PDGFRA: variants seen among roughly 807,000 people sequenced by gnomAD.
PDGFRA encodes the protein platelet-derived growth factor receptor alpha.
Under a neutral mutation model 121.5 loss-of-function variants are expected in PDGFRA, and 25 were observed. That is an observed-to-expected ratio of 0.21 (90% CI 0.15 to 0.29). The LOEUF (loss-of-function observed/expected upper bound fraction) is 0.29. Ranked by LOEUF, PDGFRA falls within the 10% of genes least tolerant of loss-of-function variation. PDGFRA has a pLI of 1.00. For missense variants in PDGFRA, 1,008 were observed against 1,345.1 expected (o/e 0.75, Z 3.92); for synonymous variants, 463 against 494.8 (o/e 0.94, Z 0.85).
intron 16 of PDGFRA, 44 bp downstream of exon 16, chr4:54,280,526 G>A (rs766937997): frequency 2.0e-6 from 3 of 1,474,872 alleles, no homozygotes; most frequent in Admixed American, 1.7e-5. Context: ...ACTTTCCAGT[G>A]GTTTAATATG....
intron 1 of PDGFRA, among the ~76,000 whole-genome samples, chr4:54,249,106 T>G (rs555496597): frequency 3.4e-4 from 52 of 152,228 alleles, no homozygotes; most frequent in African/African-American, 1.2e-3. Context: ...TAGGAACACT[T>G]TTACACTGTT....
At chr4:54,253,911 C>T (rs969083131) in intron 1 of PDGFRA, among the ~76,000 whole-genome samples, 6 of 152,278 alleles carry the variant, frequency 3.9e-5, no homozygotes, top group Admixed American at 6.5e-5. Context: ...TCTTGAACTC[C>T]TGACCTCAAG....
At chr4:54,278,691 A>G in intron 15 of PDGFRA, 176 bp downstream of exon 15, 1 of 682,158 alleles carries the variant, frequency 1.5e-6, no homozygotes, top group Non-Finnish European at 2.6e-6. Flanking sequence ...CATGATGTCT[A>G]AAGGTGTTTT....
intron 7 of PDGFRA, among the ~76,000 whole-genome samples, chr4:54,269,831 A>G (rs868228746): frequency 1.4e-5 from 2 of 146,826 alleles, no homozygotes; most frequent in Middle Eastern, 3.5e-3. Flanking sequence ...TTGTATTTTT[A>G]GTAGAGATGG....
At chr4:54,246,815 G>A (rs957126502) in intron 1 of PDGFRA, among the ~76,000 whole-genome samples, 13 of 151,248 alleles carry the variant, frequency 8.6e-5, no homozygotes, top group African/African-American at 3.2e-4. Flanking sequence ...TTGATAGACT[G>A]CTAGCAAGAC....
Position 54,278,463 on chromosome 4 carries a change from A to G in PDGFRA, c.2104A>G (p.Lys702Glu), listed in dbSNP as rs1262195275. 1 of 1,614,006 alleles carries G rather than the reference A, an allele frequency of 6.2e-7. No homozygotes were observed. Among genetic ancestry groups the G allele is most frequent in the East Asian group, 2.2e-5 (1 of 44,886 alleles). ...CCTGAGCCACCACCCAGAGAAGCCA[A>G]AGAAAGAGCTGGATATCTTTGGATT... is the stretch of plus-strand genomic sequence containing the variant. The part of the protein sequence containing the change: ...SFLSHHPEKP[K>E]KELDIFGLNP... The change falls in exon 15 of 23, where the codon AAG becomes GAG. Residue 702 changes from lysine (K) to glutamate (E), a missense_variant. By Grantham distance (56) the Lys-to-Glu change is moderately conservative (BLOSUM62 1). Around this residue, in one of 5 missense-constraint regions of PDGFRA, gnomAD observed 128 missense variants for 147.6 expected, o/e 0.87. Transcript: ENST00000257290.
rs561842533 is a variant in PDGFRA, at chr4:54,272,390, G to A, written c.1238-4G>A. On this transcript the variant is annotated splice_region_variant and splice_polypyrimidine_tract_variant and intron_variant, in intron 8 of 22. Coordinates refer to ENST00000257290, the MANE Select transcript of PDGFRA (RefSeq NM_006206.6). ...CCATTCTGACTTCTTTCTGCCTCTT[G>A]CAGTTCCTTCATCCATTCTGGACTT... 6.2e-7 allele frequency: 1 copy of A among 1,613,916 alleles called. No homozygotes were observed. The highest frequency in any genetic ancestry group is 2.2e-5 in the East Asian group (1 of 44,828).
rs1410470703 is a variant in PDGFRA, at chr4:54,297,664, G to A, written c.*2392G>A. 8.6e-6 allele frequency: 2 copies of A among 233,694 alleles called. No individual in the cohort carries two copies. Among genetic ancestry groups the A allele is most frequent in the Non-Finnish European group, 1.7e-5 (2 of 118,054 alleles). 14.5% of individuals were successfully genotyped at this position (233,694 alleles called of 1,614,324 possible). On this transcript the variant is annotated 3_prime_UTR_variant, in exon 23 of 23. Coordinates refer to ENST00000257290, the MANE Select transcript of PDGFRA (RefSeq NM_006206.6). ...TGTATATGACTGCATTTGTGTGTGT[G>A]TGTGTGTTTTCAGCAAATTCCAGAT... is the stretch of plus-strand genomic sequence containing the variant.
In PDGFRA at chr4:54,280,343, T is replaced by C; in HGVS notation, c.2184T>C (p.Asn728=). The C allele has an allele frequency of 6.2e-7, 1 of 1,613,834 alleles. No homozygotes were observed. The highest frequency in any genetic ancestry group is 8.5e-7 in the Non-Finnish European group (1 of 1,179,728). The change falls in exon 16 of 23, where the codon AAT becomes AAC. Residue 728 remains asparagine (N), a synonymous_variant. Transcript: ENST00000257290. The stretch of plus-strand genomic sequence containing the variant: ...ATGTTATTTTATCTTTTGAAAACAA[T>C]GGTGACTACATGGACATGAAGCAGG... The part of the protein sequence containing the change: ...RSYVILSFEN[N]GDYMDMKQAD...
rs1723533662 is a variant in PDGFRA at position 54,273,618 on chromosome 4, T to A, written c.1446T>A (p.Ser482Arg). The change falls in exon 10 of 23, where the codon AGT becomes AGA. Residue 482 changes from serine (S) to arginine (R), a missense_variant. By Grantham distance (110) the Ser-to-Arg change is moderately radical (BLOSUM62 -1). Around this residue, in one of 5 missense-constraint regions of PDGFRA, gnomAD observed 575 missense variants for 701.8 expected, o/e 0.82. Transcript: ENST00000257290. Reference sequence around the variant, plus strand: ...CGGAGATCCACTCCCGAGACAGGAGTACCGTGGAGGGCCGTGTGACTTTCG... The same window carrying A: ...CGGAGATCCACTCCCGAGACAGGAGAACCGTGGAGGGCCGTGTGACTTTCG... ...IITEIHSRDR[S>R]TVEGRVTFAK... is the part of the protein sequence containing the mutation. 6.2e-7 allele frequency: 1 copy of A among 1,612,980 alleles called. No homozygotes were observed. Among genetic ancestry groups the A allele is most frequent in the Non-Finnish European group, 8.5e-7 (1 of 1,179,786 alleles).
rs1184483799 is a variant in PDGFRA, at chr4:54,267,545, T to C, written c.932-7T>C. 1 of 1,614,054 alleles carries C rather than the reference T, an allele frequency of 6.2e-7. No individual in the cohort carries two copies. ...TCATTATTTAATGGAAACTCTTCCC[T>C]GTACAGAGAAAGGTTTCATTGAAAT... is the stretch of plus-strand genomic sequence containing the variant. On this transcript the variant is annotated splice_polypyrimidine_tract_variant and splice_region_variant and intron_variant, in intron 6 of 22. Coordinates refer to ENST00000257290, the MANE Select transcript of PDGFRA (RefSeq NM_006206.6).
chr4:54,296,482 T>C lies in PDGFRA; in HGVS notation c.*1210T>C. ...AAGGATGCCCAGACATCAGCCTCCT[T>C]CTTTCACCCCTTACCCCAAAGAGAA... On this transcript the variant is annotated 3_prime_UTR_variant, in exon 23 of 23. Coordinates refer to ENST00000257290, the MANE Select transcript of PDGFRA (RefSeq NM_006206.6). 1 of 231,118 alleles carries C rather than the reference T, an allele frequency of 4.3e-6. No individual in the cohort carries two copies. Among genetic ancestry groups the C allele is most frequent in the Non-Finnish European group, 8.6e-6 (1 of 116,904 alleles). 14.3% of individuals were successfully genotyped at this position (231,118 alleles called of 1,614,324 possible). A position where few individuals can be genotyped will look rare whatever the true frequency, so the allele number is the denominator to read the frequency against.
chr4:54,232,143 G>A (rs779692669), intron 1 of PDGFRA, among the ~76,000 whole-genome samples: 1 of 152,224 alleles, frequency 6.6e-6, no homozygotes, highest in Non-Finnish European at 1.5e-5. Context: ...TCTAGGAAAA[G>A]AGCTAAAAGC....
intron 1 of PDGFRA, among the ~76,000 whole-genome samples, chr4:54,232,004 G>A (rs1037288484): frequency 2.0e-5 from 3 of 152,366 alleles, no homozygotes; most frequent in Admixed American, 1.3e-4. Context: ...CGTGGGCGGC[G>A]CGCAGCGGCG....
intron 21 of PDGFRA, 24 bp from the exon 22 acceptor site, chr4:54,290,289 A>T: frequency 6.3e-7 from 1 of 1,588,492 alleles, no homozygotes; most frequent in Non-Finnish European, 8.6e-7. Context: ...CACTTGATTA[A>T]ATATGTTCAA....
chr4:54,269,467 C>T (rs970735379), intron 7 of PDGFRA, among the ~76,000 whole-genome samples: 2 of 151,528 alleles, frequency 1.3e-5, no homozygotes, highest in East Asian at 1.9e-4. Context: ...TTATAAAGGA[C>T]AATCAAATGG....
In PDGFRA at chr4:54,258,600, A is replaced by G. The variant is rs73151433; in HGVS notation, c.-12-157A>G. Among the ~76,000 whole-genome samples, 2,735 of 152,222 alleles carry G rather than the reference A, an allele frequency of 0.018. 96 individuals carry two copies. The highest frequency in any genetic ancestry group is 0.063 in the African/African-American group (2,600 of 41,516). On this transcript the variant is annotated intron_variant, in intron 1 of 22. Transcript: ENST00000257290. ...GGCCCCATTGATTCTTTCATCTTTC[A>G]GGCGTCTTACTGTTTGAACCTTGAA...
intron 9 of PDGFRA, 24 bp downstream of exon 9, chr4:54,272,544 T>C: frequency 6.2e-7 from 1 of 1,610,798 alleles, no homozygotes. Flanking sequence ...ATGTGTCTTC[T>C]TCTTTCGTGG....
intron 5 of PDGFRA, among the ~76,000 whole-genome samples, chr4:54,266,119 C>G (rs1052756111): frequency 1.3e-5 from 2 of 152,204 alleles, no homozygotes; most frequent in East Asian, 3.9e-4. Flanking sequence ...TCTGTTCATA[C>G]TTGATTGACT....
Sources: allele counts gnomAD v4.1 joint callset (sites outside exome capture counted in the v4.1 genomes callset), GRCh38; gene constraint gnomAD v4.1.1; regional missense constraint gnomAD v4.1.1; transcripts MANE v1.5; gene names NCBI Gene and HGNC (gene_info 2026-07-23, HGNC 2026-07-21).